KLHDC1: variants seen among roughly 807,000 people sequenced by gnomAD.
KLHDC1 encodes the protein kelch domain containing 1, also known as kelch domain-containing protein 1.
KLHDC1 carries 53 observed loss-of-function variants against 68.3 expected under a neutral mutation model. The observed-to-expected ratio is 0.78, with a 90% CI of 0.62 to 0.98. The LOEUF (loss-of-function observed/expected upper bound fraction) is 0.98, where lower values mean the gene tolerates loss of function less well. Ranked by LOEUF, KLHDC1 falls within the 50% of genes least tolerant of loss-of-function variation. The pLI is 0.00. For synonymous variants in KLHDC1, 148 were observed against 159.0 expected, an observed-to-expected ratio of 0.93 and a Z score of 0.52; for missense variants, 470 against 492.3, an observed-to-expected ratio of 0.95 and a Z score of 0.43.
intron 12 of KLHDC1, among the ~76,000 whole-genome samples, chr14:49,747,095 C>T (rs1477197561): frequency 2.0e-5 from 3 of 151,918 alleles, no homozygotes; most frequent in Non-Finnish European, 4.4e-5. Flanking sequence ...CACAGGTGCC[C>T]GCCACCACAC....
At chr14:49,697,295 GA>G (rs1566591738) in intron 1 of KLHDC1, among the ~76,000 whole-genome samples, 1 of 152,208 alleles carries the variant, frequency 6.6e-6, no homozygotes, top group African/African-American at 2.4e-5. Flanking sequence ...GAGGGAGAGA[GA>G]GGGGGGAATG....
chr14:49,704,887 A>C (rs1391809771), intron 1 of KLHDC1, among the ~76,000 whole-genome samples: 1 of 152,200 alleles, frequency 6.6e-6, no homozygotes, highest in African/African-American at 2.4e-5. Context: ...TGTGTGAGGC[A>C]CTGTAGTAGG....
At chr14:49,697,984 T>G (rs1436722047) in intron 1 of KLHDC1, among the ~76,000 whole-genome samples, 1 of 152,160 alleles carries the variant, frequency 6.6e-6, no homozygotes, top group Non-Finnish European at 1.5e-5. Flanking sequence ...ATTAGGTGAT[T>G]GTGCTTTATG....
rs558363915 is a variant in KLHDC1, at chr14:49,714,337, G to T, written c.404+3956G>T. On this transcript the variant is annotated intron_variant, in intron 4 of 12. Coordinates refer to ENST00000359332, the MANE Select transcript of KLHDC1 (RefSeq NM_172193.3). ...AAATACAAAAAATTAGCCAGGCGTG[G>T]TGGCAGGCACCTGTAATCCCAGCTA... Among the ~76,000 whole-genome samples the T allele has an allele frequency of 3.9e-5, 6 of 151,988 alleles. No individual in the cohort carries two copies. The South Asian group carries it at 1.2e-3, about 32-fold the overall frequency.
At chr14:49,727,117 A>C (rs886629020) in intron 6 of KLHDC1, among the ~76,000 whole-genome samples, 1 of 152,058 alleles carries the variant, frequency 6.6e-6, no homozygotes, top group African/African-American at 2.4e-5. Flanking sequence ...GCGTGGCGGC[A>C]TGCGCCTGTA....
chr14:49,751,231 GA>G (rs146657287), intron 12 of KLHDC1: 20,439 of 152,516 alleles, frequency 0.13, 1,691 homozygotes, highest in Non-Finnish European at 0.19. Context: ...GGTGCTCTGG[GA>G]AAAAAAAATC....
chr14:49,725,578 C>G, intron 5 of KLHDC1, 108 bp from the exon 6 acceptor site: 1 of 677,750 alleles, frequency 1.5e-6, no homozygotes, highest in East Asian at 2.9e-5. Flanking sequence ...ACACTTAACT[C>G]TATTTTTGTA....
At chr14:49,703,835 G>A (rs1479390100) in intron 1 of KLHDC1, among the ~76,000 whole-genome samples, 2 of 152,132 alleles carry the variant, frequency 1.3e-5, no homozygotes, top group Admixed American at 6.5e-5. Context: ...TCTACTCTAT[G>A]AGTTTACTGC....
rs149819816 is a variant in KLHDC1, at chr14:49,743,310, G to T, written c.982-443G>T. Among the ~76,000 whole-genome samples the T allele has an allele frequency of 5.4e-4, 81 of 149,580 alleles. 1 individual carries two copies. In the East Asian group the frequency reaches 0.013, roughly 25 times the overall value. ...AGCTACTCAGGAGGCTGAGGCAAGA[G>T]AATCGCTTGAACCTGGGAGTTGGAG... On this transcript the variant is annotated intron_variant, in intron 11 of 12. Transcript: ENST00000359332.
At chr14:49,694,182 A>G (rs142981487) in intron 1 of KLHDC1, among the ~76,000 whole-genome samples, 358 of 152,274 alleles carry the variant, frequency 2.4e-3, no homozygotes, top group African/African-American at 7.9e-3. Context: ...TCTTACTACA[A>G]TGGAGGTTTG....
chr14:49,729,057 T>C (rs780192760), intron 7 of KLHDC1, 48 bp downstream of exon 7: 2 of 1,242,322 alleles, frequency 1.6e-6, no homozygotes, highest in South Asian at 2.5e-5. Context: ...ATGCTCCTTA[T>C]AAAAATTTAT....
chr14:49,724,071 T>A, intron 5 of KLHDC1, 119 bp downstream of exon 5: 2 of 600,904 alleles, frequency 3.3e-6, no homozygotes, highest in East Asian at 6.0e-5. Flanking sequence ...ATTGACGCTA[T>A]GAAAAAAATG....
intron 6 of KLHDC1, 95 bp from the exon 7 acceptor site, chr14:49,728,831 C>CT: frequency 1.2e-6 from 1 of 866,110 alleles, no homozygotes; most frequent in Non-Finnish European, 1.9e-6. Context: ...GTAATGATAA[C>CT]TTAGTGATTA....
At chr14:49,725,186 A>G (rs192534631) in intron 5 of KLHDC1, among the ~76,000 whole-genome samples, 155 of 152,302 alleles carry the variant, frequency 1.0e-3, no homozygotes, top group African/African-American at 3.6e-3. Context: ...TTTGCTGACA[A>G]AGAATTTTAT....
chr14:49,737,961 A>T (rs1275193850), intron 10 of KLHDC1, among the ~76,000 whole-genome samples: 1 of 152,124 alleles, frequency 6.6e-6, no homozygotes, highest in Non-Finnish European at 1.5e-5. Flanking sequence ...AAAATTGGGA[A>T]ATTTTTTTGA....
chr14:49,705,666 G>A (rs140010309), intron 1 of KLHDC1, among the ~76,000 whole-genome samples: 56 of 152,036 alleles, frequency 3.7e-4, no homozygotes, highest in East Asian at 1.5e-3. Context: ...ACTGTGCCCA[G>A]CCTATAATAT....
At chr14:49,694,425 G>C (rs1887673690) in intron 1 of KLHDC1, among the ~76,000 whole-genome samples, 1 of 152,014 alleles carries the variant, frequency 6.6e-6, no homozygotes, top group South Asian at 2.1e-4. Context: ...GGCATACCTC[G>C]AAGTATTGCA....
intron 11 of KLHDC1, 29 bp downstream of exon 11, chr14:49,740,211 C>T (rs750194413): frequency 3.0e-6 from 4 of 1,344,408 alleles, no homozygotes; most frequent in Non-Finnish European, 2.1e-6. Flanking sequence ...TAAATATTTC[C>T]TCTGAGTAGT....
intron 1 of KLHDC1, among the ~76,000 whole-genome samples, chr14:49,707,335 A>ATTTTTT (rs1888079406): frequency 1.9e-5 from 2 of 104,796 alleles, no homozygotes; most frequent in African/African-American, 7.4e-5. Context: ...TAGACAAGAT[A>ATTTTTT]TTCTTTTTTT....
Sources: gnomAD v4.1 joint callset for allele counts (sites outside exome capture counted in the v4.1 genomes callset) on GRCh38, gnomAD v4.1.1 for gene constraint, MANE v1.5 for transcripts, NCBI Gene and HGNC (gene_info 2026-07-23, HGNC 2026-07-21) for gene names.